The following CSMD2 variants were observed in gnomAD, a reference collection of about 807,000 sequenced individuals.
The protein encoded by CSMD2 is CUB and Sushi multiple domains 2, also known as CUB and sushi domain-containing protein 2.
Under a neutral mutation model 398.5 loss-of-function variants are expected in CSMD2, and 130 were observed. The ratio of observed to expected loss-of-function variants is 0.33; its 90% CI spans 0.28 to 0.38. CSMD2 has a LOEUF of 0.38. Among genes scored for constraint, CSMD2 ranks in the 10% least tolerant of loss-of-function variants. The probability of loss-of-function intolerance (pLI) is 1.00; values close to 1 mark genes in which losing one functional copy is unlikely to be tolerated. For missense variants in CSMD2, 3,829 were observed against 4,764.9 expected, an observed-to-expected ratio of 0.80 and a Z score of 5.78; for synonymous variants, 1,828 against 1,908.5, an observed-to-expected ratio of 0.96 and a Z score of 1.10.
chr1:33,723,449 T>G (rs1646425306), intron 19 of CSMD2, among the ~76,000 whole-genome samples: 1 of 152,252 alleles, frequency 6.6e-6, no homozygotes, highest in Non-Finnish European at 1.5e-5. Context: ...GCCTGGTTAC[T>G]GCTGATGCCC....
At position 33,635,710 on chromosome 1, in the gene CSMD2, G is replaced by A. The variant is rs533221559; in HGVS notation, c.4970-380C>T. Among the ~76,000 whole-genome samples, 1 of 152,310 alleles carries A rather than the reference G, an allele frequency of 6.6e-6. No homozygotes were observed. Among genetic ancestry groups the A allele is most frequent in the South Asian group, 2.1e-4 (1 of 4,834 alleles). On this transcript the variant is annotated intron_variant, in intron 30 of 70. Transcript: ENST00000373381. The surrounding 1 kb of genome is among the most constrained non-coding windows in gnomAD (Gnocchi z 5.0). ...GGCTGACATCTAACCTGGACAGTGAGTGTCAGTGTGAATAGGGAGCTGAAG... is the reference window on the plus strand; with the variant it reads ...GGCTGACATCTAACCTGGACAGTGAATGTCAGTGTGAATAGGGAGCTGAAG...
intron 3 of CSMD2, among the ~76,000 whole-genome samples, chr1:34,030,646 G>T (rs1378433414): frequency 6.6e-6 from 1 of 152,172 alleles, no homozygotes; most frequent in Non-Finnish European, 1.5e-5. Context: ...CTCTGAATGT[G>T]CCCTCAGATC....
In CSMD2 at chr1:33,633,252, A is replaced by G. The variant is rs1230434291; in HGVS notation, c.5200+170T>C. Among the ~76,000 whole-genome samples, 1 of 152,142 alleles carries G rather than the reference A, an allele frequency of 6.6e-6. No individual in the cohort carries two copies. The highest frequency in any genetic ancestry group is 1.5e-5 in the Non-Finnish European group (1 of 68,028). ...AGCTGCTGAAGGCCCCGCTAGTTGG[A>G]GCTCTCACGAGCTGGCTGCTGCGTT... is the stretch of plus-strand genomic sequence containing the variant. On this transcript the variant is annotated intron_variant, in intron 32 of 70. Coordinates refer to ENST00000373381, the MANE Select transcript of CSMD2 (RefSeq NM_001281956.2). This position sits in a 1 kb window ranked among gnomAD's most constrained non-coding sequence, Gnocchi z 5.0.
At chr1:34,129,524 C>T (rs1051667876) in intron 1 of CSMD2, among the ~76,000 whole-genome samples, 31 of 152,120 alleles carry the variant, frequency 2.0e-4, no homozygotes, top group Admixed American at 8.5e-4. Context: ...TGGTGGCGGG[C>T]GCCTGTAGTC....
At chr1:33,640,396 G>T (rs1022625836) in intron 29 of CSMD2, among the ~76,000 whole-genome samples, 2 of 152,182 alleles carry the variant, frequency 1.3e-5, no homozygotes, top group Non-Finnish European at 2.9e-5. Context: ...TACATATGGT[G>T]CAATCTCATT....
intron 53 of CSMD2, among the ~76,000 whole-genome samples, chr1:33,564,477 A>G (rs920896955): frequency 6.6e-6 from 1 of 152,182 alleles, no homozygotes; most frequent in Non-Finnish European, 1.5e-5. Flanking sequence ...TCGTGCACCA[A>G]TTTCCTGAGG....
At position 33,723,677 on chromosome 1, in the gene CSMD2, G is replaced by A. The variant is rs1042827411; in HGVS notation, c.3001+520C>T. ...AGCTGAGTTATGCAAGAAGGGGATC[G>A]CTGTGTTCAGTATCTGAAGGGTGAA... On this transcript the variant is annotated intron_variant, in intron 19 of 70. Coordinates refer to ENST00000373381, the MANE Select transcript of CSMD2 (RefSeq NM_001281956.2). Among the ~76,000 whole-genome samples, 9 of 152,322 alleles carry A rather than the reference G, an allele frequency of 5.9e-5. No homozygotes were observed. The South Asian group carries it at 6.2e-4, about 11-fold the overall frequency.
intron 39 of CSMD2, 36 bp from the exon 40 acceptor site, chr1:33,614,656 C>T: frequency 7.9e-7 from 1 of 1,260,740 alleles, no homozygotes; most frequent in Non-Finnish European, 1.2e-6. Context: ...GTCAGGACAA[C>T]ATCAAGGGGT....
intron 26 of CSMD2, 61 bp downstream of exon 26, chr1:33,662,829 G>T: frequency 1.4e-6 from 2 of 1,445,126 alleles, no homozygotes; most frequent in Non-Finnish European, 9.7e-7. Flanking sequence ...GAGGGCCAGA[G>T]GAAGGTGGGT....
intron 1 of CSMD2, among the ~76,000 whole-genome samples, chr1:34,090,917 C>G (rs185621831): frequency 1.8e-3 from 272 of 152,318 alleles, no homozygotes; most frequent in African/African-American, 6.2e-3. Flanking sequence ...CACCAGCTTT[C>G]CAGCCAAATC....
intron 1 of CSMD2, among the ~76,000 whole-genome samples, chr1:34,109,359 G>A (rs1485282934): frequency 1.3e-5 from 2 of 152,204 alleles, no homozygotes; most frequent in African/African-American, 4.8e-5. Context: ...AGCTCCCTCT[G>A]CTCAAGCAAA....
rs1557750497 is a variant in CSMD2, at chr1:33,698,949, TGAGGA to T, written c.3734-10_3734-6del. ...CACATTTGATGAGTTCAAAGCCTGGTGAGGAGAGAAGAGGTAGAGTGAGTAAGACC... is the reference window on the plus strand; with the variant it reads ...CACATTTGATGAGTTCAAAGCCTGGTGAGAAGAGGTAGAGTGAGTAAGACC... On this transcript the variant is annotated splice_polypyrimidine_tract_variant and splice_region_variant and intron_variant, in intron 23 of 70. Transcript: ENST00000373381. The T allele has an allele frequency of 6.2e-7, 1 of 1,612,316 alleles. No individual in the cohort carries two copies. The highest frequency in any genetic ancestry group is 1.1e-5 in the South Asian group (1 of 90,730).
intron 4 of CSMD2, 57 bp downstream of exon 4, chr1:33,935,703 C>T (rs1341658160): frequency 6.6e-7 from 1 of 1,506,298 alleles, no homozygotes; most frequent in Non-Finnish European, 8.9e-7. Context: ...ACTGGAAGCT[C>T]CAGCATCACC....
upstream of CSMD2, among the ~76,000 whole-genome samples, chr1:34,165,454 C>T (rs980337337): frequency 2.0e-5 from 3 of 152,204 alleles, no homozygotes; most frequent in Non-Finnish European, 2.9e-5. Context: ...CCACCTCCAC[C>T]TCCAGATAAA....
chr1:33,593,489 CAGACA>C (rs1223556018), intron 44 of CSMD2, among the ~76,000 whole-genome samples: 1 of 152,162 alleles, frequency 6.6e-6, no homozygotes, highest in Non-Finnish European at 1.5e-5. Context: ...CACATGGTGG[CAGACA>C]AGACAAGACA....
intron 5 of CSMD2, chr1:33,875,518 A>T (rs940288808): frequency 6.6e-6 from 1 of 152,230 alleles, no homozygotes; most frequent in Non-Finnish European, 1.5e-5. Context: ...TAGTTGAACA[A>T]AGTTGGGTTT....
At chr1:33,704,438 T>A (rs1284168176) in intron 22 of CSMD2, among the ~76,000 whole-genome samples, 1 of 152,184 alleles carries the variant, frequency 6.6e-6, no homozygotes, top group Non-Finnish European at 1.5e-5. Context: ...TTAAGTATAA[T>A]GTTTGCTATA....
At chr1:33,904,651 T>G (rs1642969477) in intron 5 of CSMD2, among the ~76,000 whole-genome samples, 1 of 85,160 alleles carries the variant, frequency 1.2e-5, no homozygotes, top group Non-Finnish European at 2.5e-5. Flanking sequence ...AATGATAGGT[T>G]TTTTTGTTTG....
At chr1:33,853,750 T>C (rs1638876058) in intron 5 of CSMD2, among the ~76,000 whole-genome samples, 1 of 152,168 alleles carries the variant, frequency 6.6e-6, no homozygotes, top group Admixed American at 6.5e-5. Context: ...GTAGTCCAGC[T>C]GGCTTCTTTG....
Sources: allele counts gnomAD v4.1 joint callset (sites outside exome capture counted in the v4.1 genomes callset), GRCh38; gene constraint gnomAD v4.1.1; non-coding constraint Gnocchi (gnomAD v3.1); transcripts MANE v1.5; gene names NCBI Gene and HGNC (gene_info 2026-07-23, HGNC 2026-07-21).